Variants in STOX2 observed in about 807,000 individuals in gnomAD.
STOX2 encodes storkhead-box protein 2.
STOX2 carries 28 observed loss-of-function variants against 60.9 expected under a neutral mutation model. That is an observed-to-expected ratio of 0.46 (90% CI 0.34 to 0.63). STOX2 has a LOEUF of 0.63. Ranked by LOEUF, STOX2 falls within the 30% of genes least tolerant of loss-of-function variation. The pLI is 0.01. For missense variants in STOX2, 1,024 were observed against 1,187.7 expected, an observed-to-expected ratio of 0.86 and a Z score of 2.03; for synonymous variants, 472 against 463.9, an observed-to-expected ratio of 1.02 and a Z score of -0.22.
chr4:183,812,095 C>T (rs1243818912), intron 1 of STOX2, among the ~76,000 whole-genome samples: 4 of 152,126 alleles, frequency 2.6e-5, no homozygotes, highest in African/African-American at 9.7e-5. Context: ...CCACACCCAA[C>T]TAACTTATTT....
intron 2 of STOX2, among the ~76,000 whole-genome samples, chr4:184,002,346 A>G (rs1051737748): frequency 4.6e-5 from 7 of 152,216 alleles, no homozygotes; most frequent in African/African-American, 1.7e-4. Flanking sequence ...ATTAAAAGGG[A>G]ACGTTTGCTA....
At chr4:183,937,099 A>C (rs948972560) in intron 1 of STOX2, among the ~76,000 whole-genome samples, 4 of 152,206 alleles carry the variant, frequency 2.6e-5, no homozygotes, top group African/African-American at 4.8e-5. Context: ...CAGTGTATGC[A>C]TGTCTTTGAT....
chr4:183,852,857 G>T (rs1740192278), intron 1 of STOX2, among the ~76,000 whole-genome samples: 1 of 152,188 alleles, frequency 6.6e-6, no homozygotes, highest in Non-Finnish European at 1.5e-5. Flanking sequence ...TGGTCAAGTT[G>T]TTATTCACAC....
Position 184,011,465 on chromosome 4 carries a change from G to T in STOX2, c.2585+42G>T, listed in dbSNP as rs1734172194. 1.3e-6 allele frequency: 2 copies of T among 1,589,610 alleles called. No individual in the cohort carries two copies. Among genetic ancestry groups the T allele is most frequent in the Non-Finnish European group, 1.7e-6 (2 of 1,166,636 alleles). ...CTGTGCACACACATGCGCCTAGCGGGGCCTGGGGCTTTATGCACGTAACTT... is the reference window on the plus strand; with the variant it reads ...CTGTGCACACACATGCGCCTAGCGGTGCCTGGGGCTTTATGCACGTAACTT... On this transcript the variant is annotated intron_variant, in intron 3 of 3. Transcript: ENST00000308497. The surrounding 1 kb of genome is among the most constrained non-coding windows in gnomAD (Gnocchi z 4.4).
chr4:183,897,788 G>T (rs376448969), intron 1 of STOX2, among the ~76,000 whole-genome samples: 8 of 152,166 alleles, frequency 5.3e-5, no homozygotes, highest in Admixed American at 3.3e-4. Flanking sequence ...CTGGCTCATT[G>T]TCAGTGTCCA....
At chr4:183,943,063 A>G (rs995794483) in intron 1 of STOX2, among the ~76,000 whole-genome samples, 1 of 152,254 alleles carries the variant, frequency 6.6e-6, no homozygotes, top group Non-Finnish European at 1.5e-5. Flanking sequence ...AAACCTTGAG[A>G]TTCCTAACTT....
At chr4:183,938,944 T>TA (rs1742673399) in intron 1 of STOX2, among the ~76,000 whole-genome samples, 1 of 152,096 alleles carries the variant, frequency 6.6e-6, no homozygotes, top group Non-Finnish European at 1.5e-5. Context: ...TAAAGTAAAA[T>TA]AAAAAATATT....
intron 1 of STOX2, among the ~76,000 whole-genome samples, chr4:183,859,391 G>A (rs1032321929): frequency 1.3e-5 from 2 of 152,246 alleles, no homozygotes; most frequent in African/African-American, 4.8e-5. Context: ...TCCATCGGGT[G>A]ACATTGGAGC....
At chr4:184,004,367 AGGCG>A (rs1733729655) in intron 2 of STOX2, among the ~76,000 whole-genome samples, 1 of 152,200 alleles carries the variant, frequency 6.6e-6, no homozygotes, top group Admixed American at 6.5e-5. Flanking sequence ...TGGGAGGCCG[AGGCG>A]GGCGGATCAC....
Position 184,017,156 on chromosome 4 carries a change from T to G in STOX2, c.2653T>G (p.Leu885Val), listed in dbSNP as rs754722118. 1.7e-5 allele frequency: 27 copies of G among 1,613,738 alleles called. No homozygotes were observed. The highest frequency in any genetic ancestry group is 2.3e-5 in the Non-Finnish European group (27 of 1,179,848). Residue 885 changes from leucine (L) to valine (V), a missense_variant, in exon 4 of 4, where the codon TTG becomes GTG. Physicochemically the swap from Leu to Val is conservative, Grantham distance 32. Coordinates refer to ENST00000308497, the MANE Select transcript of STOX2 (RefSeq NM_020225.3). Reference protein sequence around the residue: ...VESNRRQNPALSPAHGGAGPA... With the variant: ...VESNRRQNPAVSPAHGGAGPA... The stretch of plus-strand genomic sequence containing the variant: ...AAGTAACCGTCGTCAGAACCCCGCT[T>G]TGAGCCCGGCCCATGGTGGAGCTGG...
At chr4:183,887,157 G>A (rs555991618) in intron 1 of STOX2, among the ~76,000 whole-genome samples, 43 of 152,220 alleles carry the variant, frequency 2.8e-4, no homozygotes, top group Middle Eastern at 6.8e-3. Flanking sequence ...CCAGCTACTC[G>A]GGAGGCTGAG....
Position 184,017,307 on chromosome 4 carries a change from C to T in STOX2, c.*23C>T. The T allele has an allele frequency of 6.4e-7, 1 of 1,557,934 alleles. No individual in the cohort carries two copies. The highest frequency in any genetic ancestry group is 8.7e-7 in the Non-Finnish European group (1 of 1,150,382). Reference sequence around the variant, plus strand: ...TGATTGTCCTTCTGCCTCAGATCTTCTGTCTCATTCGATACAGCAAAGTTT... The same window carrying T: ...TGATTGTCCTTCTGCCTCAGATCTTTTGTCTCATTCGATACAGCAAAGTTT... On this transcript the variant is annotated 3_prime_UTR_variant, in exon 4 of 4. Coordinates refer to ENST00000308497, the MANE Select transcript of STOX2 (RefSeq NM_020225.3).
At position 183,806,916 on chromosome 4, in the gene STOX2, G is replaced by C. The variant is rs962593765; in HGVS notation, c.364+8861G>C. ...CACTGCCCCCACGGCCCCACAGCTCGAAGCCCCCATGCCTGGAGGGGGCCT... is the reference window on the plus strand; with the variant it reads ...CACTGCCCCCACGGCCCCACAGCTCCAAGCCCCCATGCCTGGAGGGGGCCT... On this transcript the variant is annotated intron_variant, in intron 1 of 2. Transcript: ENST00000513034. This position sits in a 1 kb window ranked among gnomAD's most constrained non-coding sequence, Gnocchi z 4.1. Among the ~76,000 whole-genome samples the C allele has an allele frequency of 1.3e-5, 2 of 152,098 alleles. No individual in the cohort carries two copies. Among genetic ancestry groups the C allele is most frequent in the African/African-American group, 4.8e-5 (2 of 41,394 alleles).
At chr4:183,867,048 A>G (rs1220147357) in intron 1 of STOX2, among the ~76,000 whole-genome samples, 1 of 151,922 alleles carries the variant, frequency 6.6e-6, no homozygotes. Context: ...ATGAGTGGGC[A>G]CTATTTACAT....
chr4:183,921,958 C>T (rs368625131), intron 1 of STOX2, among the ~76,000 whole-genome samples: 7 of 152,196 alleles, frequency 4.6e-5, no homozygotes, highest in African/African-American at 1.4e-4. Flanking sequence ...ATACACCAAA[C>T]GATAAACTCG....
At position 184,017,253 on chromosome 4, in the gene STOX2, A is replaced by C; in HGVS notation, c.2750A>C (p.Asn917Thr). The change falls in exon 4 of 4, where the codon AAC (asparagine) becomes ACC (threonine). Residue 917 changes from asparagine to threonine, a missense_variant. Physicochemically the swap from Asn to Thr is moderately conservative, Grantham distance 65. This residue lies in a region of STOX2 where 922 missense variants were observed against 1,058.3 expected (regional missense o/e 0.87). Coordinates refer to ENST00000308497, the MANE Select transcript of STOX2 (RefSeq NM_020225.3). ...GCTGAGAAGCTACAGAAACCTTCCAACTGCTTGCAAGCTTCTGTTACTAGC... is the reference window on the plus strand; with the variant it reads ...GCTGAGAAGCTACAGAAACCTTCCACCTGCTTGCAAGCTTCTGTTACTAGC... ...NEAEKLQKPSNCLQASVTSV is the reference protein window; with the variant it reads ...NEAEKLQKPSTCLQASVTSV 7.5e-6 allele frequency: 12 copies of C among 1,602,198 alleles called. No individual in the cohort carries two copies. The highest frequency in any genetic ancestry group is 1.1e-5 in the South Asian group (1 of 88,762).
intron 1 of STOX2, among the ~76,000 whole-genome samples, chr4:183,884,792 G>A (rs552634189): frequency 6.6e-6 from 1 of 152,322 alleles, no homozygotes; most frequent in East Asian, 1.9e-4. Flanking sequence ...AGTTTGTCAA[G>A]TTGGCTGAAA....
intron 1 of STOX2, among the ~76,000 whole-genome samples, chr4:183,936,177 C>G (rs1742584084): frequency 6.6e-6 from 1 of 152,106 alleles, no homozygotes; most frequent in Admixed American, 6.5e-5. Flanking sequence ...TTAAGTACTT[C>G]TGCAGTCTTC....
chr4:183,876,313 A>G (rs1436492672), intron 1 of STOX2, among the ~76,000 whole-genome samples: 1 of 152,122 alleles, frequency 6.6e-6, no homozygotes, highest in Non-Finnish European at 1.5e-5. Context: ...GGCTGTGCGT[A>G]ATGGCTTTCC....
Sources: allele counts gnomAD v4.1 joint callset (sites outside exome capture counted in the v4.1 genomes callset), GRCh38; gene constraint gnomAD v4.1.1; regional missense constraint gnomAD v4.1.1; non-coding constraint Gnocchi (gnomAD v3.1); transcripts MANE v1.5; gene names NCBI Gene and HGNC (gene_info 2026-07-23, HGNC 2026-07-21).